Variants in JADE3 observed in about 807,000 individuals in gnomAD.
The protein encoded by JADE3 is protein Jade-3.
A neutral mutation model predicts 50.1 loss-of-function variants in JADE3; 2 were observed. The observed-to-expected ratio is 0.04, with a 90% CI of 0.02 to 0.13. The LOEUF (loss-of-function observed/expected upper bound fraction) is 0.13, where lower values mean the gene tolerates loss of function less well. Among genes scored for constraint, JADE3 ranks in the 10% least tolerant of loss-of-function variants. The probability of loss-of-function intolerance (pLI) is 1.00; values close to 1 mark genes in which losing one functional copy is unlikely to be tolerated. For synonymous variants in JADE3, 218 were observed against 232.9 expected (o/e 0.94, Z 0.58); for missense variants, 475 against 634.4 (o/e 0.75, Z 2.70).
In JADE3 at chrX:47,058,312, C is replaced by T. The variant is rs1929674452; in HGVS notation, c.1707C>T (p.Ser569=). 8.3e-7 allele frequency: 1 copy of T among 1,211,192 alleles called. No individual in the cohort carries two copies. Among genetic ancestry groups the T allele is most frequent in the African/African-American group, 1.7e-5 (1 of 57,626 alleles). ...ETDQQPHSPD[S]SSSVHSIRNM... ...ATCAGCAGCCCCACTCTCCTGACAG[C>T]AGCTCATCTGTTCACAGTATAAGGA... Residue 569 remains serine (S), a synonymous_variant, in exon 11 of 11, where the codon AGC becomes AGT. Transcript: ENST00000614628.
intron 1 of JADE3, among the ~76,000 whole-genome samples, chrX:46,965,267 C>G (rs1161290228): frequency 9.0e-6 from 1 of 111,137 alleles, no homozygotes; most frequent in African/African-American, 3.3e-5. Flanking sequence ...TGCCCATGAA[C>G]AGAGACAGTA....
At chrX:46,968,367 A>G (rs1927410324) in intron 1 of JADE3, among the ~76,000 whole-genome samples, 1 of 111,475 alleles carries the variant, frequency 9.0e-6, no homozygotes, top group South Asian at 3.8e-4. Flanking sequence ...GAGTAGACAC[A>G]TTTCAGTCTA....
At chrX:46,998,324 G>GGTTGACTCTACATTCAACCAATT in intron 4 of JADE3, 47 bp downstream of exon 4, 5 of 1,104,966 alleles carry the variant, frequency 4.5e-6, no homozygotes, top group Non-Finnish European at 6.2e-6. Context: ...ATGCTCTCAT[G>GGTTGACTCTACATTCAACCAATT]TTTGTCTGCT....
chrX:46,983,200 T>A (rs781929700), intron 1 of JADE3, among the ~76,000 whole-genome samples: 15 of 111,957 alleles, frequency 1.3e-4, no homozygotes, highest in African/African-American at 3.9e-4. Context: ...CAGTTGCAAA[T>A]GAAGTCAGTT....
rs1927291693 is a variant in JADE3, at chrX:46,962,866, T to C, written c.-11-22018T>C. Reference sequence around the variant, plus strand: ...TTTTTTTTTTTTTTTGGAGAAAGAGTCTTGCCCTGTCTCCCAGGCTGAAGT... The same window carrying C: ...TTTTTTTTTTTTTTTGGAGAAAGAGCCTTGCCCTGTCTCCCAGGCTGAAGT... On this transcript the variant is annotated intron_variant, in intron 1 of 10. Transcript: ENST00000614628. Among the ~76,000 whole-genome samples the C allele has an allele frequency of 3.9e-5, 4 of 101,405 alleles. No homozygotes were observed. In the Admixed American group the frequency reaches 4.3e-4, roughly 11 times the overall value. The allele number at this position is 101,405 out of a possible 115,157, so 88.1% of individuals were successfully genotyped here.
intron 1 of JADE3, among the ~76,000 whole-genome samples, chrX:46,966,132 C>T (rs904253654): frequency 9.0e-6 from 1 of 111,636 alleles, no homozygotes; most frequent in South Asian, 3.7e-4. Flanking sequence ...TTGGATGTTC[C>T]AGGGTAAGAT....
intron 1 of JADE3, among the ~76,000 whole-genome samples, chrX:46,980,704 T>C (rs1476147238): frequency 5.4e-5 from 6 of 111,717 alleles, no homozygotes; most frequent in Non-Finnish European, 1.1e-4. Context: ...CTTTCTCTTA[T>C]GCTTTTTGTA....
intron 1 of JADE3, among the ~76,000 whole-genome samples, chrX:46,940,123 A>G (rs1926722919): frequency 8.9e-6 from 1 of 112,521 alleles, no homozygotes; most frequent in Middle Eastern, 4.6e-3. Flanking sequence ...TGTTGAGTGA[A>G]TTAGGTTAGA....
At chrX:46,923,393 C>CTCTCTCTTTTT (rs1556338199) in intron 1 of JADE3, among the ~76,000 whole-genome samples, 1 of 11,525 alleles carries the variant, frequency 8.7e-5, no homozygotes, top group African/African-American at 2.0e-4. Flanking sequence ...CTCTCTCTCT[C>CTCTCTCTTTTT]TTTTTTTTTT....
At position 47,059,860 on chromosome X, in the gene JADE3, T is replaced by C. The variant is rs950492254; in HGVS notation, c.*783T>C. On this transcript the variant is annotated 3_prime_UTR_variant, in exon 11 of 11. Transcript: ENST00000614628. ...CAGAGCCTTTCCCAAAGTGAGACCA[T>C]TTCTGGGGTATTTGTACCAGGTCAG... The C allele has an allele frequency of 2.7e-5, 3 of 112,420 alleles. No individual in the cohort carries two copies. The Admixed American group carries it at 2.9e-4, about 11-fold the overall frequency. 9.3% of individuals were successfully genotyped at this position (112,420 alleles called of 1,213,427 possible).
chrX:47,006,428 C>T (rs191112903), intron 4 of JADE3, among the ~76,000 whole-genome samples: 1,250 of 106,460 alleles, frequency 0.012, 12 homozygotes, highest in Non-Finnish European at 0.019. Context: ...GGACTACAGG[C>T]GCATGCCACC....
intron 1 of JADE3, among the ~76,000 whole-genome samples, chrX:46,917,858 CCTCTCTCTCTCTCT>C (rs150958785): frequency 1.3e-4 from 3 of 22,848 alleles, no homozygotes; most frequent in Admixed American, 5.4e-4. Flanking sequence ...TCTCTCTCAT[CCTCTCTCTCTCTCT>C]CTCTCTCTCT....
chrX:46,959,970 A>G (rs1927218993), intron 1 of JADE3, among the ~76,000 whole-genome samples: 1 of 111,689 alleles, frequency 9.0e-6, no homozygotes, highest in Non-Finnish European at 1.9e-5. Context: ...GCTTAGTCTC[A>G]TTAATTTACC....
intron 1 of JADE3, among the ~76,000 whole-genome samples, chrX:46,933,787 T>C (rs1926547298): frequency 9.0e-6 from 1 of 111,609 alleles, no homozygotes; most frequent in Admixed American, 9.5e-5. Flanking sequence ...CAATAAAGTG[T>C]TTTAGAAAAA....
At position 47,056,117 on chromosome X, in the gene JADE3, G is replaced by A. The variant is rs141837491; in HGVS notation, c.1479G>A (p.Glu493=). 59 of 1,205,876 alleles carry A rather than the reference G, an allele frequency of 4.9e-5. No individual in the cohort carries two copies. The African/African-American group carries it at 8.9e-4, about 18-fold the overall frequency. Residue 493 remains glutamate (E), a synonymous_variant, in exon 10 of 11, where the codon GAG becomes GAA. Coordinates refer to ENST00000614628, the MANE Select transcript of JADE3 (RefSeq NM_014735.5). ...RNLCYMISRR[E]KLKLSHNKIQ... is the part of the protein sequence containing the mutation. ...TGTGCTATATGATAAGCAGACGAGA[G>A]AAGCTGAAGCTGTCACACAACAAAA...
rs201510109 is a variant in JADE3 at position 46,976,046 on chromosome X, CGAATGTTAGAA to C, written c.-11-8837_-11-8827del. ...CCCAGCCTGTATTAATTTTCAAGGA[CGAATGTTAGAA>C]ATAGAATTCCTAGGTCAAACGGTGT... On this transcript the variant is annotated intron_variant, in intron 1 of 10. Transcript: ENST00000614628. Among the ~76,000 whole-genome samples, 346 of 110,326 alleles carry C rather than the reference CGAATGTTAGAA, an allele frequency of 3.1e-3. 3 individuals carry two copies. The highest frequency in any genetic ancestry group is 0.011 in the African/African-American group (335 of 30,296).
chrX:46,926,858 T>G (rs1556339031), intron 1 of JADE3, among the ~76,000 whole-genome samples: 1 of 112,465 alleles, frequency 8.9e-6, no homozygotes, highest in Non-Finnish European at 1.9e-5. Flanking sequence ...TATTGCTGAG[T>G]AGTATTCCAT....
chrX:46,946,389 C>T (rs1346143741), intron 1 of JADE3, among the ~76,000 whole-genome samples: 1 of 111,554 alleles, frequency 9.0e-6, no homozygotes, highest in Admixed American at 9.5e-5. Flanking sequence ...CCAGCCCTCC[C>T]ATGGAGGTAG....
chrX:46,974,776 T>G (rs1453233473), intron 1 of JADE3, among the ~76,000 whole-genome samples: 1 of 112,578 alleles, frequency 8.9e-6, no homozygotes, highest in Non-Finnish European at 1.9e-5. Context: ...ACCCCTTTGT[T>G]ATTTAATTCT....
Sources: allele counts gnomAD v4.1 joint callset (sites outside exome capture counted in the v4.1 genomes callset), GRCh38; gene constraint gnomAD v4.1.1; transcripts MANE v1.5; gene names NCBI Gene and HGNC (gene_info 2026-07-23, HGNC 2026-07-21).